The following CCSER1 variants were observed in gnomAD, a reference collection of about 807,000 sequenced individuals.
The protein encoded by CCSER1 is serine-rich coiled-coil domain-containing protein 1.
A neutral mutation model predicts 82.0 loss-of-function variants in CCSER1; 41 were observed. The ratio of observed to expected loss-of-function variants is 0.50; its 90% CI spans 0.39 to 0.65. CCSER1 has a LOEUF of 0.65. CCSER1 is among the 30% of genes least tolerant of loss of function. The pLI is 0.00. For missense variants in CCSER1, 1,119 were observed against 1,064.2 expected (o/e 1.05, Z -0.72); for synonymous variants, 414 against 383.9 (o/e 1.08, Z -0.92).
chr4:91,501,109 ATATT>A (rs1759185274), intron 10 of CCSER1, among the ~76,000 whole-genome samples: 1 of 151,860 alleles, frequency 6.6e-6, no homozygotes, highest in African/African-American at 2.4e-5. Context: ...CAAGCTGAAA[ATATT>A]ATATTAATCA....
intron 10 of CCSER1, among the ~76,000 whole-genome samples, chr4:91,390,035 C>T (rs1022901167): frequency 6.6e-6 from 1 of 151,916 alleles, no homozygotes; most frequent in Non-Finnish European, 1.5e-5. Flanking sequence ...AGTTTTATTT[C>T]TTCCTTCCTA....
At chr4:90,637,492 T>C (rs1725645252) in intron 6 of CCSER1, among the ~76,000 whole-genome samples, 1 of 152,090 alleles carries the variant, frequency 6.6e-6, no homozygotes, top group South Asian at 2.1e-4. Flanking sequence ...TAGGGAACAT[T>C]GTGGTCCATT....
At chr4:90,605,527 G>T (rs1784590953) in intron 5 of CCSER1, among the ~76,000 whole-genome samples, 1 of 152,194 alleles carries the variant, frequency 6.6e-6, no homozygotes, top group African/African-American at 2.4e-5. Context: ...ATGTAAGACT[G>T]TACAAATCCA....
At chr4:91,563,511 AGTGTTCCATATCTACACACAC>A (rs1228931877) in intron 10 of CCSER1, among the ~76,000 whole-genome samples, 1 of 131,090 alleles carries the variant, frequency 7.6e-6, no homozygotes, top group East Asian at 2.1e-4. Context: ...AATTAGATAT[AGTGTTCCATATCTACACACAC>A]AGTGTTCCAT....
chr4:90,970,176 A>G (rs1734962167), intron 9 of CCSER1, among the ~76,000 whole-genome samples: 1 of 151,874 alleles, frequency 6.6e-6, no homozygotes, highest in Non-Finnish European at 1.5e-5. Context: ...ATGGATTAAA[A>G]CACACGATCA....
chr4:91,438,479 C>A (rs1754842718), intron 10 of CCSER1, among the ~76,000 whole-genome samples: 1 of 152,226 alleles, frequency 6.6e-6, no homozygotes, highest in South Asian at 2.1e-4. Context: ...AAAAACCCAT[C>A]TGTACATCAC....
intron 6 of CCSER1, among the ~76,000 whole-genome samples, chr4:90,687,821 G>A (rs1394756338): frequency 6.6e-6 from 1 of 152,078 alleles, no homozygotes; most frequent in Non-Finnish European, 1.5e-5. Flanking sequence ...CTTCATAATT[G>A]ATGGGTCACC....
At chr4:91,276,349 T>A (rs1581889775) in intron 10 of CCSER1, among the ~76,000 whole-genome samples, 1 of 151,142 alleles carries the variant, frequency 6.6e-6, no homozygotes, top group East Asian at 1.9e-4. Context: ...GTAGTTTTCC[T>A]TGAGTAGGTC....
At chr4:91,235,119 A>T (rs944821705) in intron 10 of CCSER1, among the ~76,000 whole-genome samples, 1 of 152,126 alleles carries the variant, frequency 6.6e-6, no homozygotes, top group African/African-American at 2.4e-5. Flanking sequence ...AATATATAGT[A>T]CAGAGAAAGC....
intron 10 of CCSER1, among the ~76,000 whole-genome samples, chr4:91,578,109 T>G (rs978592738): frequency 3.3e-5 from 5 of 151,964 alleles, no homozygotes; most frequent in Non-Finnish European, 7.4e-5. Flanking sequence ...TTGGGAGCAT[T>G]GGGAACTAAT....
At chr4:90,898,156 T>C (rs1724002241) in intron 8 of CCSER1, among the ~76,000 whole-genome samples, 1 of 151,756 alleles carries the variant, frequency 6.6e-6, no homozygotes, top group South Asian at 2.1e-4. Context: ...CCATTTGCTT[T>C]TGAGTTCTTT....
intron 10 of CCSER1, among the ~76,000 whole-genome samples, chr4:91,491,636 C>A (rs560917536): frequency 1.3e-5 from 2 of 152,158 alleles, no homozygotes; most frequent in Admixed American, 6.5e-5. Context: ...TACCTTATCT[C>A]TTTTTCTAAA....
chr4:90,952,861 T>G (rs892349455), intron 9 of CCSER1, among the ~76,000 whole-genome samples: 1 of 152,036 alleles, frequency 6.6e-6, no homozygotes. Context: ...AAGATTCTAT[T>G]TCCTGTATTC....
chr4:90,316,394 C>G (rs1018833148), intron 3 of CCSER1, among the ~76,000 whole-genome samples: 2 of 152,196 alleles, frequency 1.3e-5, no homozygotes, highest in African/African-American at 2.4e-5. Flanking sequence ...TTAAAGCAAT[C>G]TAACCTTGCT....
rs576623024 is a variant in CCSER1 at position 90,998,651 on chromosome 4, G to A, written c.2172+75204G>A. ...TAATATTTATAAGCAATGTGATTTGGGCATTATATTTTAAAAGCTTAAGTC... is the reference window on the plus strand; with the variant it reads ...TAATATTTATAAGCAATGTGATTTGAGCATTATATTTTAAAAGCTTAAGTC... On this transcript the variant is annotated intron_variant, in intron 9 of 10. Transcript: ENST00000509176. Among the ~76,000 whole-genome samples the A allele has an allele frequency of 3.3e-5, 5 of 151,692 alleles. No individual in the cohort carries two copies. The South Asian group carries it at 1.0e-3, about 32-fold the overall frequency.
intron 10 of CCSER1, among the ~76,000 whole-genome samples, chr4:91,145,939 T>C (rs1729489104): frequency 2.6e-5 from 4 of 152,282 alleles, no homozygotes; most frequent in Middle Eastern, 6.8e-3. Context: ...TTGGGGATGT[T>C]CGTCTGATAT....
At chr4:91,433,246 G>T (rs1162592152) in intron 10 of CCSER1, among the ~76,000 whole-genome samples, 1 of 152,102 alleles carries the variant, frequency 6.6e-6, no homozygotes, top group Non-Finnish European at 1.5e-5. Context: ...ACTATATATT[G>T]TCTGTGGGTG....
chr4:90,875,340 A>C (rs1296985379), intron 8 of CCSER1, among the ~76,000 whole-genome samples: 1 of 152,182 alleles, frequency 6.6e-6, no homozygotes, highest in African/African-American at 2.4e-5. Flanking sequence ...GGTTAATGAC[A>C]TTTCCAAATT....
chr4:90,534,037 A>G (rs1239315274), intron 5 of CCSER1, among the ~76,000 whole-genome samples: 1 of 152,226 alleles, frequency 6.6e-6, no homozygotes, highest in Non-Finnish European at 1.5e-5. Context: ...AGTTGATTGT[A>G]CAATTGAATG....
Sources: gnomAD v4.1 joint callset for allele counts (sites outside exome capture counted in the v4.1 genomes callset) on GRCh38, gnomAD v4.1.1 for gene constraint, MANE v1.5 for transcripts, NCBI Gene and HGNC (gene_info 2026-07-23, HGNC 2026-07-21) for gene names.